Variants in PCDHGA9 observed in about 807,000 individuals in gnomAD.
PCDHGA9 encodes the protein protocadherin gamma subfamily A, 9, also known as protocadherin gamma-A9.
A neutral mutation model predicts 62.5 loss-of-function variants in PCDHGA9; 37 were observed. The observed-to-expected ratio is 0.59, with a 90% CI of 0.46 to 0.78. The LOEUF is 0.78. Among genes scored for constraint, PCDHGA9 ranks in the 30% least tolerant of loss-of-function variants. The pLI is 0.00. For synonymous variants in PCDHGA9, 459 were observed against 484.6 expected (o/e 0.95, Z 0.69); for missense variants, 1,138 against 1,166.2 (o/e 0.98, Z 0.35).
intron 1 of PCDHGA9, among the ~76,000 whole-genome samples, chr5:141,472,267 C>T (rs547832378): frequency 6.6e-5 from 10 of 152,216 alleles, no homozygotes; most frequent in African/African-American, 2.4e-4. Context: ...TATAGCCGGG[C>T]ACAGTGGCTC....
intron 1 of PCDHGA9, chr5:141,414,831 G>A (rs1230752323): frequency 1.9e-6 from 3 of 1,614,212 alleles, no homozygotes; most frequent in Admixed American, 1.7e-5. Flanking sequence ...ACGTGTCGTT[G>A]AGCCTGTTTG....
intron 1 of PCDHGA9, chr5:141,408,074 C>T: frequency 7.2e-7 from 1 of 1,395,302 alleles, no homozygotes; most frequent in Non-Finnish European, 9.5e-7. Context: ...CAGACCTTTC[C>T]CAGCACAGCG....
chr5:141,481,679 C>T (rs2099541734), intron 1 of PCDHGA9, among the ~76,000 whole-genome samples: 1 of 151,948 alleles, frequency 6.6e-6, no homozygotes, highest in Non-Finnish European at 1.5e-5. Context: ...TCAGGCCGGG[C>T]CTGGTGGCTC....
chr5:141,497,413 T>A (rs572922456), intron 2 of PCDHGA9, among the ~76,000 whole-genome samples: 1 of 151,928 alleles, frequency 6.6e-6, no homozygotes, highest in African/African-American at 2.4e-5. Context: ...TCCCATTCCA[T>A]CAAATGAGAG....
At chr5:141,453,319 G>T (rs2098762311) in intron 1 of PCDHGA9, among the ~76,000 whole-genome samples, 1 of 151,492 alleles carries the variant, frequency 6.6e-6, no homozygotes, top group Admixed American at 6.6e-5. Flanking sequence ...TTATTTTAGA[G>T]ATGGGGTCTC....
rs1348785166 is a variant in PCDHGA9, at chr5:141,431,381, C to T, written c.2424+26005C>T. On this transcript the variant is annotated intron_variant, in intron 1 of 3. Coordinates refer to ENST00000573521, the MANE Select transcript of PCDHGA9 (RefSeq NM_018921.3). The surrounding 1 kb of genome is among the most constrained non-coding windows in gnomAD (Gnocchi z 4.8). Reference sequence around the variant, plus strand: ...CCTGGACCGCGAAGAAAAGGCTGCTCACCACCTGGTCCTTACGGCCTCCGA... The same window carrying T: ...CCTGGACCGCGAAGAAAAGGCTGCTTACCACCTGGTCCTTACGGCCTCCGA... 1.2e-6 allele frequency: 2 copies of T among 1,613,940 alleles called. No homozygotes were observed. Among genetic ancestry groups the T allele is most frequent in the Non-Finnish European group, 1.7e-6 (2 of 1,180,042 alleles).
In PCDHGA9 at chr5:141,414,949, G is replaced by A. The variant is rs774769957; in HGVS notation, c.2424+9573G>A. On this transcript the variant is annotated intron_variant, in intron 1 of 3. Transcript: ENST00000573521. ...CCGCTCCGCAGAGCCCGGCTACCTGGTGACCAAGGTGGTGGCGGTGGACAG... is the reference window on the plus strand; with the variant it reads ...CCGCTCCGCAGAGCCCGGCTACCTGATGACCAAGGTGGTGGCGGTGGACAG... The A allele has an allele frequency of 8.1e-6, 13 of 1,614,096 alleles. 1 individual carries two copies. The South Asian group carries it at 1.4e-4, about 18-fold the overall frequency.
chr5:141,434,981 T>C (rs2097734526), intron 1 of PCDHGA9, among the ~76,000 whole-genome samples: 1 of 152,054 alleles, frequency 6.6e-6, no homozygotes. Flanking sequence ...GTTAATACTC[T>C]ATATCATTTT....
chr5:141,414,725 T>C (rs1303775655), intron 1 of PCDHGA9: 8 of 1,613,970 alleles, frequency 5.0e-6, no homozygotes, highest in African/African-American at 1.3e-5. Flanking sequence ...GACACTGGCG[T>C]CCTGTATGCA....
intron 2 of PCDHGA9, among the ~76,000 whole-genome samples, chr5:141,497,622 C>G (rs1434147255): frequency 6.6e-6 from 1 of 151,538 alleles, no homozygotes; most frequent in African/African-American, 2.4e-5. Context: ...TCACTGCAAC[C>G]TCTGCCTGCC....
chr5:141,418,635 C>G, intron 1 of PCDHGA9: 1 of 1,614,018 alleles, frequency 6.2e-7, no homozygotes. Flanking sequence ...CCTCCAGGCA[C>G]CTCCATCCTG....
At chr5:141,488,236 T>G (rs1333427955) in intron 1 of PCDHGA9, among the ~76,000 whole-genome samples, 2 of 152,154 alleles carry the variant, frequency 1.3e-5, no homozygotes, top group Non-Finnish European at 2.9e-5. Context: ...TTGAACTAGA[T>G]GCGGTAAATT....
intron 1 of PCDHGA9, chr5:141,433,078 C>A (rs947684072): frequency 2.5e-5 from 40 of 1,614,144 alleles, no homozygotes; most frequent in Non-Finnish European, 3.3e-5. Context: ...TCCCCCAGCC[C>A]AACTATGCAG....
intron 1 of PCDHGA9, among the ~76,000 whole-genome samples, chr5:141,453,999 A>C (rs1561953352): frequency 6.6e-6 from 1 of 152,258 alleles, no homozygotes; most frequent in South Asian, 2.1e-4. Flanking sequence ...ATAAACCCAC[A>C]TAACATTTTA....
chr5:141,464,271 A>AT (rs1336006891), intron 1 of PCDHGA9, among the ~76,000 whole-genome samples: 1 of 136,538 alleles, frequency 7.3e-6, no homozygotes, highest in Non-Finnish European at 1.5e-5. Flanking sequence ...TCTAAAAAAA[A>AT]AAAAAAGCAA....
chr5:141,423,405 G>T (rs1444037259), intron 1 of PCDHGA9: 1 of 1,614,154 alleles, frequency 6.2e-7, no homozygotes, highest in African/African-American at 1.3e-5. Context: ...CACGCCTGCT[G>T]CAGGCTTCTG....
chr5:141,472,623 TAA>T (rs2099291037), intron 1 of PCDHGA9, among the ~76,000 whole-genome samples: 1 of 152,018 alleles, frequency 6.6e-6, no homozygotes, highest in Non-Finnish European at 1.5e-5. Context: ...AGAAAAAAGA[TAA>T]AGACTGGGAA....
rs2094589920 is a variant in PCDHGA9, at chr5:141,404,969, G to T, written c.2017G>T (p.Ala673Ser). The change falls in exon 1 of 4, where the codon GCT becomes TCT. Residue 673 changes from alanine (A) to serine (S), a missense_variant. Physicochemically the swap from Ala to Ser is moderately conservative, Grantham distance 99. Coordinates refer to ENST00000573521, the MANE Select transcript of PCDHGA9 (RefSeq NM_018921.3). ...AGCTGACAGCATCCCAGACATCCTGGCTGACCTGGGCAGTCTTCAGATCCC... is the reference window on the plus strand; with the variant it reads ...AGCTGACAGCATCCCAGACATCCTGTCTGACCTGGGCAGTCTTCAGATCCC... ...AIADSIPDIL[A>S]DLGSLQIPAD... 1 of 1,613,964 alleles carries T rather than the reference G, an allele frequency of 6.2e-7. No individual in the cohort carries two copies. The highest frequency in any genetic ancestry group is 2.2e-5 in the East Asian group (1 of 44,880).
chr5:141,508,904 T>C (rs1421450229), intron 3 of PCDHGA9, among the ~76,000 whole-genome samples: 2 of 151,336 alleles, frequency 1.3e-5, no homozygotes, highest in African/African-American at 4.9e-5. Context: ...GGCGGGGCGG[T>C]GGCGGATCTG....
Sources: gnomAD v4.1 joint callset for allele counts (sites outside exome capture counted in the v4.1 genomes callset) on GRCh38, gnomAD v4.1.1 for gene constraint, Gnocchi (gnomAD v3.1) non-coding constraint, MANE v1.5 for transcripts, NCBI Gene and HGNC (gene_info 2026-07-23, HGNC 2026-07-21) for gene names.